TENM4: variants seen among roughly 807,000 people sequenced by gnomAD.
The protein encoded by TENM4 is teneurin transmembrane protein 4, also known as teneurin-4.
TENM4 carries 82 observed loss-of-function variants against 243.3 expected under a neutral mutation model. The ratio of observed to expected loss-of-function variants is 0.34; its 90% CI spans 0.28 to 0.40. The LOEUF is 0.40. TENM4 is among the 10% of genes least tolerant of loss of function. The pLI, the probability that TENM4 is intolerant of heterozygous loss-of-function variation, is 1.00. For synonymous variants in TENM4, 1,412 were observed against 1,456.3 expected, an observed-to-expected ratio of 0.97 and a Z score of 0.69; for missense variants, 3,138 against 3,673.3, an observed-to-expected ratio of 0.85 and a Z score of 3.77.
chr11:79,119,009 T>C (rs978620120), intron 4 of TENM4, among the ~76,000 whole-genome samples: 2 of 151,636 alleles, frequency 1.3e-5, no homozygotes, highest in African/African-American at 2.4e-5. Context: ...TACAACATTT[T>C]ACCTAATCCA....
chr11:79,077,521 C>G (rs551509818), intron 4 of TENM4, among the ~76,000 whole-genome samples: 1 of 152,062 alleles, frequency 6.6e-6, no homozygotes, highest in Non-Finnish European at 1.5e-5. Flanking sequence ...TTAACTAAAA[C>G]AAAAATTTCA....
At chr11:79,317,485 G>C (rs1856822019) in intron 1 of TENM4, among the ~76,000 whole-genome samples, 2 of 152,130 alleles carry the variant, frequency 1.3e-5, no homozygotes, top group Admixed American at 1.3e-4. Flanking sequence ...TTGATATGAT[G>C]AGCAGAGTGG....
At chr11:78,904,814 G>C (rs1441280444) in intron 6 of TENM4, among the ~76,000 whole-genome samples, 2 of 152,196 alleles carry the variant, frequency 1.3e-5, no homozygotes, top group Non-Finnish European at 2.9e-5. Context: ...GGTGTTATTG[G>C]CAAAGAAAGA....
rs369151797 is a variant in TENM4 at position 78,991,330 on chromosome 11, C to T, written c.493+73408G>A. Among the ~76,000 whole-genome samples, 23 of 152,166 alleles carry T rather than the reference C, an allele frequency of 1.5e-4. 2 individuals are homozygous for T. Among genetic ancestry groups the T allele is most frequent in the Admixed American group, 1.1e-3 (17 of 15,278 alleles). ...TTAAAAAAAAAGGATTCATTATTGC[C>T]TCTTGTTGATAGGAAGGAAACATCT... is the stretch of plus-strand genomic sequence containing the variant. On this transcript the variant is annotated intron_variant, in intron 6 of 33. Coordinates refer to ENST00000278550, the MANE Select transcript of TENM4 (RefSeq NM_001098816.3).
chr11:79,165,517 G>A (rs1193171788), intron 3 of TENM4, among the ~76,000 whole-genome samples: 1 of 152,140 alleles, frequency 6.6e-6, no homozygotes, highest in Non-Finnish European at 1.5e-5. Flanking sequence ...TGATTTGTTA[G>A]AATTCCTTGT....
intron 1 of TENM4, among the ~76,000 whole-genome samples, chr11:79,423,494 C>T (rs926318369): frequency 1.9e-4 from 28 of 150,932 alleles, no homozygotes; most frequent in African/African-American, 5.8e-4. Context: ...GCATTTGTAG[C>T]TCCTGTCTCG....
At chr11:78,849,096 T>C (rs1858469223) in intron 12 of TENM4, among the ~76,000 whole-genome samples, 1 of 152,200 alleles carries the variant, frequency 6.6e-6, no homozygotes, top group Non-Finnish European at 1.5e-5. Context: ...CTGGCTCACA[T>C]TGCCACAATG....
At chr11:79,076,462 T>C (rs2137017104) in intron 4 of TENM4, 1 of 153,438 alleles carries the variant, frequency 6.5e-6, no homozygotes, top group South Asian at 2.1e-4. Flanking sequence ...AGAGAGCTTG[T>C]GCAGGGAAAC....
At position 78,672,096 on chromosome 11, in the gene TENM4, C is replaced by A. The variant is rs779824022; in HGVS notation, c.5730G>T (p.Ala1910=). ...IMSERMEYDQ[A]GRITSRIFAD... Reference sequence around the variant, plus strand: ...CGAAGATCCTGGATGTGATGCGGCCCGCCTGGTCGTATTCCATTCTTTCAG... The same window carrying A: ...CGAAGATCCTGGATGTGATGCGGCCAGCCTGGTCGTATTCCATTCTTTCAG... Residue 1910 remains alanine (A), a synonymous_variant, in exon 31 of 34, where the codon GCG becomes GCT. Coordinates refer to ENST00000278550, the MANE Select transcript of TENM4 (RefSeq NM_001098816.3). 6.2e-7 allele frequency: 1 copy of A among 1,613,888 alleles called. No individual in the cohort carries two copies. Among genetic ancestry groups the A allele is most frequent in the African/African-American group, 1.3e-5 (1 of 74,932 alleles).
At chr11:79,149,919 T>C (rs535577322) in intron 3 of TENM4, among the ~76,000 whole-genome samples, 3 of 152,286 alleles carry the variant, frequency 2.0e-5, no homozygotes, top group Admixed American at 2.0e-4. Flanking sequence ...TCACTAACAA[T>C]GCCCTACACT....
intron 12 of TENM4, among the ~76,000 whole-genome samples, chr11:78,845,234 C>G (rs1309930054): frequency 2.6e-5 from 4 of 152,196 alleles, no homozygotes; most frequent in African/African-American, 9.6e-5. Context: ...GCCTCTAGCA[C>G]TCAGCAAAGT....
rs188162389 is a variant in TENM4 at position 78,670,530 on chromosome 11, T to C, written c.5815A>G (p.Ser1939Gly). ...LEKSMVLLLH[S>G]QRQYIFEFDK... ...AACTCAAAGATATACTGCCTCTGGC[T>C]GTGTAGTAGCAGCACCATGGACTGG... Residue 1939 changes from serine to glycine, a missense_variant, in exon 32 of 34, where the codon AGC (serine) becomes GGC (glycine). Ser to Gly is a moderately conservative substitution (Grantham distance 56). Around this residue, in one of 2 missense-constraint regions of TENM4, gnomAD observed 2,467 missense variants for 3,059.1 expected, o/e 0.81. Transcript: ENST00000278550. 2 of 1,609,764 alleles carry C rather than the reference T, an allele frequency of 1.2e-6. No homozygotes were observed. The highest frequency in any genetic ancestry group is 3.3e-5 in the Admixed American group (2 of 59,856).
chr11:78,701,435 G>A, intron 28 of TENM4, 91 bp downstream of exon 28: 1 of 1,414,982 alleles, frequency 7.1e-7, no homozygotes, highest in Non-Finnish European at 9.4e-7. Context: ...CCCAAATCCT[G>A]AATTAAAATA....
At chr11:79,107,140 T>C (rs1236659410) in intron 4 of TENM4, among the ~76,000 whole-genome samples, 1 of 152,082 alleles carries the variant, frequency 6.6e-6, no homozygotes, top group Non-Finnish European at 1.5e-5. Flanking sequence ...GTTCTATTTC[T>C]AGTAAATGGG....
At chr11:79,109,922 A>C (rs1369814917) in intron 4 of TENM4, among the ~76,000 whole-genome samples, 4 of 152,168 alleles carry the variant, frequency 2.6e-5, no homozygotes, top group Non-Finnish European at 5.9e-5. Flanking sequence ...GAGATAATCC[A>C]CACCTGGCAC....
rs148497583 is a variant in TENM4, at chr11:79,183,888, C to T, written c.-163+31920G>A. Among the ~76,000 whole-genome samples, 17 of 152,020 alleles carry T rather than the reference C, an allele frequency of 1.1e-4. No homozygotes were observed. The East Asian group carries it at 2.5e-3, about 22-fold the overall frequency. On this transcript the variant is annotated intron_variant, in intron 3 of 33. Transcript: ENST00000278550. Reference sequence around the variant, plus strand: ...GGCAAAAATGTAGAAAAATTGGAACCCTTGTGCATTACTGGTGGGAATGTA... The same window carrying T: ...GGCAAAAATGTAGAAAAATTGGAACTCTTGTGCATTACTGGTGGGAATGTA...
chr11:79,349,367 G>T (rs1857378750), intron 1 of TENM4, among the ~76,000 whole-genome samples: 1 of 152,244 alleles, frequency 6.6e-6, no homozygotes, highest in African/African-American at 2.4e-5. Context: ...TGTGGGAGGA[G>T]TTAAAACTAT....
Position 78,757,032 on chromosome 11 carries a change from G to C in TENM4, c.2540-11C>G, listed in dbSNP as rs181962905. 115 of 1,612,028 alleles carry C rather than the reference G, an allele frequency of 7.1e-5. No homozygotes were observed. The Admixed American group carries it at 1.9e-3, about 27-fold the overall frequency. ...AGTCCACCAGGCCATCTGCAGGAGT[G>C]ACAGAGCATGTGGTTTATATTGCTA... On this transcript the variant is annotated splice_polypyrimidine_tract_variant and intron_variant, in intron 18 of 33. Coordinates refer to ENST00000278550, the MANE Select transcript of TENM4 (RefSeq NM_001098816.3).
intron 1 of TENM4, among the ~76,000 whole-genome samples, chr11:79,377,919 T>A (rs1372412644): frequency 1.3e-5 from 2 of 152,186 alleles, no homozygotes; most frequent in African/African-American, 2.4e-5. Flanking sequence ...ACCTTTCCCA[T>A]CCTTTTGTAA....
Sources: allele counts gnomAD v4.1 joint callset (sites outside exome capture counted in the v4.1 genomes callset), GRCh38; gene constraint gnomAD v4.1.1; regional missense constraint gnomAD v4.1.1; transcripts MANE v1.5; gene names NCBI Gene and HGNC (gene_info 2026-07-23, HGNC 2026-07-21).